The following GTF2F2 variants were observed in gnomAD, a reference collection of about 807,000 sequenced individuals.
The protein encoded by GTF2F2 is general transcription factor IIF subunit 2, also known as ATP-dependent helicase GTF2F2.
In GTF2F2, 23 loss-of-function variants were observed where a neutral mutation model predicts 42.2. That is an observed-to-expected ratio of 0.55 (90% CI 0.39 to 0.77). The LOEUF (loss-of-function observed/expected upper bound fraction) is 0.77. GTF2F2 is among the 30% of genes least tolerant of loss of function. The pLI is 0.00. For synonymous variants in GTF2F2, 105 were observed against 100.8 expected, an observed-to-expected ratio of 1.04 and a Z score of -0.25; for missense variants, 261 against 287.2, an observed-to-expected ratio of 0.91 and a Z score of 0.66.
intron 5 of GTF2F2, among the ~76,000 whole-genome samples, chr13:45,238,115 G>A (rs1009431094): frequency 5.3e-5 from 8 of 152,032 alleles, no homozygotes; most frequent in African/African-American, 1.7e-4. Context: ...CGCTGCACTC[G>A]GCTGATTTTT....
At chr13:45,226,179 C>T (rs1874344497) in intron 5 of GTF2F2, among the ~76,000 whole-genome samples, 1 of 152,002 alleles carries the variant, frequency 6.6e-6, no homozygotes, top group Non-Finnish European at 1.5e-5. Flanking sequence ...ATCATGTATC[C>T]TTTTGTGTGA....
intron 7 of GTF2F2, among the ~76,000 whole-genome samples, chr13:45,272,430 A>AAAG (rs1415175414): frequency 7.0e-6 from 1 of 142,858 alleles, no homozygotes; most frequent in African/African-American, 2.8e-5. Flanking sequence ...TCTTTAAAAA[A>AAAG]AAAAAAAAAA....
intron 2 of GTF2F2, among the ~76,000 whole-genome samples, chr13:45,147,088 A>G (rs575867709): frequency 6.6e-6 from 1 of 152,324 alleles, no homozygotes; most frequent in South Asian, 2.1e-4. Context: ...TATATGTGTG[A>G]AAATGAAATT....
chr13:45,172,874 G>C (rs998748203), intron 4 of GTF2F2, among the ~76,000 whole-genome samples: 1 of 152,040 alleles, frequency 6.6e-6, no homozygotes, highest in Non-Finnish European at 1.5e-5. Flanking sequence ...ATTGGGAAGC[G>C]TGAACCCTCC....
chr13:45,275,325 T>C (rs549746004), intron 7 of GTF2F2, among the ~76,000 whole-genome samples: 1 of 152,010 alleles, frequency 6.6e-6, no homozygotes, highest in Non-Finnish European at 1.5e-5. Context: ...TATTATTATT[T>C]AAGTTCTAGG....
At chr13:45,242,534 A>G (rs917866292) in intron 5 of GTF2F2, among the ~76,000 whole-genome samples, 1 of 152,172 alleles carries the variant, frequency 6.6e-6, no homozygotes, top group Non-Finnish European at 1.5e-5. Context: ...TGATATATTT[A>G]TGTTTTTAAA....
intron 4 of GTF2F2, among the ~76,000 whole-genome samples, chr13:45,185,790 G>A (rs1872392448): frequency 6.6e-6 from 1 of 152,042 alleles, no homozygotes; most frequent in Non-Finnish European, 1.5e-5. Flanking sequence ...TCTGTTTGGT[G>A]TCTCTCTCCA....
chr13:45,170,283 A>T (rs1472826938), intron 4 of GTF2F2, among the ~76,000 whole-genome samples: 1 of 152,144 alleles, frequency 6.6e-6, no homozygotes, highest in African/African-American at 2.4e-5. Flanking sequence ...AAGTGTTGGG[A>T]TTATAGGTGT....
At chr13:45,160,255 A>G (rs1245072264) in intron 4 of GTF2F2, among the ~76,000 whole-genome samples, 1 of 152,242 alleles carries the variant, frequency 6.6e-6, no homozygotes, top group East Asian at 1.9e-4. Flanking sequence ...TTCAATCTGT[A>G]AAGATCTGCT....
rs181311916 is a variant in GTF2F2, at chr13:45,157,479, C to T, written c.304+5648C>T. Among the ~76,000 whole-genome samples, 11 of 152,050 alleles carry T rather than the reference C, an allele frequency of 7.2e-5. No individual in the cohort carries two copies. The South Asian group carries it at 8.3e-4, about 11-fold the overall frequency. On this transcript the variant is annotated intron_variant, in intron 4 of 7. Coordinates refer to ENST00000340473, the MANE Select transcript of GTF2F2 (RefSeq NM_004128.3). ...GTAGGTTGAGAAGAGACCATGGAGT[C>T]GGGGCAGGGCTGGAACCGGGAGGCT...
At chr13:45,202,736 TGA>T (rs1160524203) in intron 4 of GTF2F2, among the ~76,000 whole-genome samples, 1 of 152,076 alleles carries the variant, frequency 6.6e-6, no homozygotes, top group African/African-American at 2.4e-5. Context: ...GCAGATCACG[TGA>T]GGTCAGGGGT....
At chr13:45,142,690 C>T (rs1655086605) in intron 2 of GTF2F2, among the ~76,000 whole-genome samples, 1 of 152,156 alleles carries the variant, frequency 6.6e-6, no homozygotes, top group Admixed American at 6.5e-5. Flanking sequence ...TATGAAAATG[C>T]TTGAAAACAG....
intron 4 of GTF2F2, among the ~76,000 whole-genome samples, chr13:45,199,895 A>G (rs9316122): frequency 0.36 from 54,436 of 151,986 alleles, 13,535 homozygotes; most frequent in African/African-American, 0.71. Flanking sequence ...TGGTGTGGAG[A>G]AGAGAGAAGA....
chr13:45,255,328 G>A (rs1876061169), intron 6 of GTF2F2, among the ~76,000 whole-genome samples: 2 of 152,216 alleles, frequency 1.3e-5, no homozygotes, highest in South Asian at 4.1e-4. Flanking sequence ...TAAATGAGTG[G>A]AACAATGAAA....
chr13:45,185,172 A>G (rs1872359510), intron 4 of GTF2F2, among the ~76,000 whole-genome samples: 2 of 152,164 alleles, frequency 1.3e-5, no homozygotes, highest in African/African-American at 2.4e-5. Flanking sequence ...ATACCTAAAA[A>G]TGTTGTATTC....
intron 4 of GTF2F2, chr13:45,194,588 G>A (rs1829451216): frequency 6.3e-7 from 1 of 1,593,796 alleles, no homozygotes; most frequent in Non-Finnish European, 8.5e-7. Context: ...TGCTATTTCA[G>A]CTTGTTCTTC....
rs1869202286 is a variant in GTF2F2, at chr13:45,129,080, A to G, written c.67-7653A>G. 2.0e-5 allele frequency among the ~76,000 whole-genome samples: 3 copies of G among 152,368 alleles called. No homozygotes were observed. The South Asian group carries it at 6.2e-4, about 32-fold the overall frequency. On this transcript the variant is annotated intron_variant, in intron 1 of 7. Coordinates refer to ENST00000340473, the MANE Select transcript of GTF2F2 (RefSeq NM_004128.3). The stretch of plus-strand genomic sequence containing the variant: ...CCTGATCTGGTTAATATGTTGAAGA[A>G]GTATGATCTCATTTAAGAGTTCCAA...
At chr13:45,126,023 A>C (rs1029259769) in intron 1 of GTF2F2, among the ~76,000 whole-genome samples, 2 of 152,036 alleles carry the variant, frequency 1.3e-5, no homozygotes, top group East Asian at 3.9e-4. Context: ...AATTTCAAAG[A>C]GGCCTAATAG....
chr13:45,222,347 A>T (rs769384304), intron 5 of GTF2F2, among the ~76,000 whole-genome samples: 5 of 152,114 alleles, frequency 3.3e-5, no homozygotes, highest in Admixed American at 1.3e-4. Flanking sequence ...GATTTTGTTT[A>T]TTTGGGAATT....
Sources: gnomAD v4.1 joint callset for allele counts (sites outside exome capture counted in the v4.1 genomes callset) on GRCh38, gnomAD v4.1.1 for gene constraint, MANE v1.5 for transcripts, NCBI Gene and HGNC (gene_info 2026-07-23, HGNC 2026-07-21) for gene names.